The following FHIT variants were observed in gnomAD, a reference collection of about 807,000 sequenced individuals.
The protein encoded by FHIT is fragile histidine triad diadenosine triphosphatase.
FHIT carries 19 observed loss-of-function variants against 17.9 expected under a neutral mutation model. The ratio of observed to expected loss-of-function variants is 1.06; its 90% CI spans 0.74 to 1.56. The LOEUF is 1.56. FHIT is among the 40% of genes most tolerant of loss of function. FHIT has a pLI of 0.00. For missense variants in FHIT, 248 were observed against 189.2 expected (o/e 1.31, Z -1.82); for synonymous variants, 81 against 69.7 (o/e 1.16, Z -0.81).
intron 3 of FHIT, among the ~76,000 whole-genome samples, chr3:61,006,778 T>A (rs1489319478): frequency 1.4e-4 from 21 of 152,180 alleles, no homozygotes. Context: ...GAATAAAGCA[T>A]CTTTACTCCA....
intron 4 of FHIT, among the ~76,000 whole-genome samples, chr3:60,734,532 G>C (rs782763834): frequency 6.6e-6 from 1 of 152,174 alleles, no homozygotes; most frequent in Non-Finnish European, 1.5e-5. Flanking sequence ...CCCCCAAGAA[G>C]CTGGGACCAC....
chr3:60,294,752 T>C (rs951909551), intron 5 of FHIT, among the ~76,000 whole-genome samples: 6 of 152,182 alleles, frequency 3.9e-5, no homozygotes, highest in African/African-American at 1.4e-4. Context: ...TTCTATACTT[T>C]TGTCATTTTA....
chr3:60,591,002 T>G (rs1553664061), intron 4 of FHIT, among the ~76,000 whole-genome samples: 2 of 151,966 alleles, frequency 1.3e-5, no homozygotes, highest in African/African-American at 4.8e-5. Flanking sequence ...ATCATAGAAG[T>G]TCACCTAAAC....
At chr3:59,951,396 C>T (rs909965936) in intron 7 of FHIT, among the ~76,000 whole-genome samples, 4 of 152,192 alleles carry the variant, frequency 2.6e-5, no homozygotes, top group Non-Finnish European at 4.4e-5. Context: ...CTTTCATGGC[C>T]ACGGCCACTA....
chr3:60,023,002 G>A (rs1700606951), intron 5 of FHIT, among the ~76,000 whole-genome samples: 1 of 152,142 alleles, frequency 6.6e-6, no homozygotes, highest in Non-Finnish European at 1.5e-5. Flanking sequence ...AAAATTAACT[G>A]TCACTCGAAA....
chr3:59,759,354 G>A (rs1456663629), intron 8 of FHIT, among the ~76,000 whole-genome samples: 1 of 152,190 alleles, frequency 6.6e-6, no homozygotes, highest in Non-Finnish European at 1.5e-5. Context: ...ATTAAAGGGA[G>A]AAAGTGATGG....
In FHIT at chr3:60,467,098, TTG is replaced by T. The variant is rs534226614; in HGVS notation, c.103+69760_103+69761del. ...TTCTTAGTGGTTCAATCTTGGTAGG[TTG>T]TGTGTGTCTAGAAACATATCCATTT... is the stretch of plus-strand genomic sequence containing the variant. On this transcript the variant is annotated intron_variant, in intron 5 of 9. Transcript: ENST00000492590. Among the ~76,000 whole-genome samples, 7 of 152,068 alleles carry T rather than the reference TTG, an allele frequency of 4.6e-5. No homozygotes were observed. The South Asian group carries it at 1.5e-3, about 32-fold the overall frequency.
At chr3:60,491,680 T>C (rs7646323) in intron 5 of FHIT, among the ~76,000 whole-genome samples, 1 of 151,938 alleles carries the variant, frequency 6.6e-6, no homozygotes, top group Non-Finnish European at 1.5e-5. Flanking sequence ...TCGTTCTGTA[T>C]GATATTTTAA....
At chr3:60,569,749 A>ATTTTTT (rs1553654729) in intron 4 of FHIT, among the ~76,000 whole-genome samples, 1 of 62,774 alleles carries the variant, frequency 1.6e-5, no homozygotes, top group African/African-American at 6.2e-5. Context: ...ATATATATAT[A>ATTTTTT]TATATATTTT....
chr3:60,102,378 G>T (rs1036531587), intron 5 of FHIT, among the ~76,000 whole-genome samples: 1 of 152,140 alleles, frequency 6.6e-6, no homozygotes, highest in Non-Finnish European at 1.5e-5. Context: ...ACAAAGTTCA[G>T]GTGAGACATG....
chr3:60,452,646 A>C (rs2031825975), intron 5 of FHIT, among the ~76,000 whole-genome samples: 1 of 152,184 alleles, frequency 6.6e-6, no homozygotes, highest in South Asian at 2.1e-4. Context: ...GCCTTCTCTC[A>C]AGCTGATTAA....
At chr3:60,007,506 C>A (rs1699971332) in intron 7 of FHIT, among the ~76,000 whole-genome samples, 1 of 152,168 alleles carries the variant, frequency 6.6e-6, no homozygotes. Context: ...TCATTCTCTT[C>A]CCCACACAAA....
chr3:60,085,274 G>C (rs148586628), intron 5 of FHIT, among the ~76,000 whole-genome samples: 2 of 152,126 alleles, frequency 1.3e-5, no homozygotes, highest in African/African-American at 4.8e-5. Context: ...AGATTACCAA[G>C]AGCAGATCAT....
chr3:59,959,751 G>T (rs1333862597), intron 7 of FHIT, among the ~76,000 whole-genome samples: 1 of 152,164 alleles, frequency 6.6e-6, no homozygotes, highest in Admixed American at 6.5e-5. Flanking sequence ...TGACATTACT[G>T]TGCAATCACA....
chr3:60,003,759 A>G (rs1699817244), intron 7 of FHIT, among the ~76,000 whole-genome samples: 1 of 152,134 alleles, frequency 6.6e-6, no homozygotes, highest in Admixed American at 6.6e-5. Context: ...AAATAAAAAT[A>G]AAACAAATGG....
chr3:60,324,573 G>GGAAA lies in FHIT; in HGVS notation c.103+212286_103+212287insTTTC, dbSNP rs757433390. Among the ~76,000 whole-genome samples the GGAAA allele has an allele frequency of 2.8e-4, 36 of 128,858 alleles. 1 individual carries two copies. Among genetic ancestry groups the GGAAA allele is most frequent in the African/African-American group, 3.0e-4 (10 of 33,830 alleles). 84.5% of individuals were successfully genotyped at this position (128,858 alleles called of 152,430 possible). ...TGGGTGACAGAGCGAGACTCCATCA[G>GGAAA]AAAAAAAAAAAAAAGAATTCCAGTT... On this transcript the variant is annotated intron_variant, in intron 5 of 9. Transcript: ENST00000492590.
chr3:60,848,903 T>C (rs1439821460), intron 3 of FHIT, among the ~76,000 whole-genome samples: 1 of 152,078 alleles, frequency 6.6e-6, no homozygotes, highest in Non-Finnish European at 1.5e-5. Context: ...ACTTGAGAAG[T>C]TACTAAACAC....
At chr3:59,928,316 C>T (rs76313555) in intron 7 of FHIT, among the ~76,000 whole-genome samples, 2,240 of 152,252 alleles carry the variant, frequency 0.015, 23 homozygotes, top group Middle Eastern at 0.037. Flanking sequence ...AGCAGCTGAC[C>T]TTAAGATTGG....
intron 2 of FHIT, among the ~76,000 whole-genome samples, chr3:61,173,872 T>G (rs2038082711): frequency 6.6e-6 from 1 of 152,252 alleles, no homozygotes. Context: ...CCAGCCAGCA[T>G]GTCCCTTCTA....
Sources: gnomAD v4.1 joint callset for allele counts (sites outside exome capture counted in the v4.1 genomes callset) on GRCh38, gnomAD v4.1.1 for gene constraint, MANE v1.5 for transcripts, NCBI Gene and HGNC (gene_info 2026-07-23, HGNC 2026-07-21) for gene names.